Variants in CTNNA3 observed in about 807,000 individuals in gnomAD.
CTNNA3 encodes the protein catenin alpha-3.
In CTNNA3, 76 loss-of-function variants were observed where a neutral mutation model predicts 95.7. That is an observed-to-expected ratio of 0.79 (90% CI 0.66 to 0.96). The LOEUF (loss-of-function observed/expected upper bound fraction) is 0.96. Ranked by LOEUF, CTNNA3 falls within the 40% of genes least tolerant of loss-of-function variation. CTNNA3 has a pLI of 0.00. For missense variants in CTNNA3, 1,191 were observed against 1,089.8 expected (o/e 1.09, Z -1.31); for synonymous variants, 431 against 374.4 (o/e 1.15, Z -1.74).
intron 10 of CTNNA3, among the ~76,000 whole-genome samples, chr10:66,565,090 AT>A (rs1229078734): frequency 6.6e-6 from 1 of 152,212 alleles, no homozygotes; most frequent in Non-Finnish European, 1.5e-5. Flanking sequence ...TAATTGAAAT[AT>A]TTCACTTCCT....
chr10:66,010,342 A>T (rs1258102501), intron 15 of CTNNA3, among the ~76,000 whole-genome samples: 2 of 152,230 alleles, frequency 1.3e-5, no homozygotes, highest in Non-Finnish European at 2.9e-5. Context: ...ATAACTAAAA[A>T]GTAGTTTATT....
At chr10:66,645,750 C>T (rs764120297) in intron 9 of CTNNA3, among the ~76,000 whole-genome samples, 9 of 152,120 alleles carry the variant, frequency 5.9e-5, no homozygotes, top group South Asian at 4.1e-4. Context: ...CTAGGTTGCA[C>T]GTCCTTTATG....
intron 11 of CTNNA3, among the ~76,000 whole-genome samples, chr10:66,513,003 C>T (rs1436929100): frequency 1.3e-5 from 2 of 152,010 alleles, no homozygotes; most frequent in African/African-American, 2.4e-5. Context: ...TGGATTTAAT[C>T]GATTTGGGAA....
intron 7 of CTNNA3, among the ~76,000 whole-genome samples, chr10:67,134,901 GGCAAGGTGAGTGATT>G (rs1213630396): frequency 2.0e-5 from 3 of 152,070 alleles, no homozygotes. Context: ...AGAAGTAAAA[GGCAAGGTGAGTGATT>G]GCCCACTACC....
intron 15 of CTNNA3, among the ~76,000 whole-genome samples, chr10:66,028,019 T>C (rs1020238398): frequency 6.6e-6 from 1 of 152,222 alleles, no homozygotes; most frequent in Non-Finnish European, 1.5e-5. Context: ...AAAACCTGCA[T>C]AAGTATATAG....
At position 66,927,431 on chromosome 10, in the gene CTNNA3, T is replaced by A; in HGVS notation, c.1048-151907A>T. On this transcript the variant is annotated intron_variant, in intron 7 of 17. Transcript: ENST00000433211. This position sits in a 1 kb window ranked among gnomAD's most constrained non-coding sequence, Gnocchi z 4.7. ...TTACGGTCTAACTCCCTGAGAACCA[T>A]CCCTGTGCGAATATTCCAAGACTGC... 1 of 1,614,144 alleles carries A rather than the reference T, an allele frequency of 6.2e-7. No homozygotes were observed. The highest frequency in any genetic ancestry group is 8.5e-7 in the Non-Finnish European group (1 of 1,180,032).
At chr10:66,804,968 T>C (rs1342048382) in intron 7 of CTNNA3, among the ~76,000 whole-genome samples, 1 of 152,096 alleles carries the variant, frequency 6.6e-6, no homozygotes, top group Admixed American at 6.6e-5. Flanking sequence ...GCAAATAATA[T>C]GCTTTATGTT....
rs115994919 is a variant in CTNNA3 at position 67,248,331 on chromosome 10, G to C, written c.580-28461C>G. ...CCAGCATAGGCAAGAGTGAGACCCTGTGTCAAAGAAAAAAAGAACAATCTT... is the reference window on the plus strand; with the variant it reads ...CCAGCATAGGCAAGAGTGAGACCCTCTGTCAAAGAAAAAAAGAACAATCTT... On this transcript the variant is annotated intron_variant, in intron 5 of 17. Coordinates refer to ENST00000433211, the MANE Select transcript of CTNNA3 (RefSeq NM_013266.4). Among the ~76,000 whole-genome samples the C allele has an allele frequency of 6.6e-3, 1,005 of 152,204 alleles. 9 individuals are homozygous for C. Among genetic ancestry groups the C allele is most frequent in the African/African-American group, 0.019 (794 of 41,532 alleles).
chr10:66,053,133 C>A (rs2079998224), intron 15 of CTNNA3, among the ~76,000 whole-genome samples: 1 of 152,026 alleles, frequency 6.6e-6, no homozygotes, highest in Admixed American at 6.6e-5. Context: ...AAACCAGGTA[C>A]TTTTAAACTC....
At chr10:66,272,054 T>G (rs2091293941) in intron 13 of CTNNA3, among the ~76,000 whole-genome samples, 1 of 152,180 alleles carries the variant, frequency 6.6e-6, no homozygotes, top group African/African-American at 2.4e-5. Flanking sequence ...TACCTTATAC[T>G]CTGTTTTCAG....
rs184544231 is a variant in CTNNA3 at position 66,587,565 on chromosome 10, C to A, written c.1374+34127G>T. The stretch of plus-strand genomic sequence containing the variant: ...GCTCCTCACATGCAGGCACAAGCAG[C>A]GGCCCCAGTGAGGATCATAAGTCAA... On this transcript the variant is annotated intron_variant, in intron 10 of 17. Transcript: ENST00000433211. Among the ~76,000 whole-genome samples the A allele has an allele frequency of 5.3e-5, 8 of 152,202 alleles. No individual in the cohort carries two copies. The East Asian group carries it at 5.8e-4, about 11-fold the overall frequency.
intron 1 of CTNNA3, among the ~76,000 whole-genome samples, chr10:67,717,042 T>C (rs956047547): frequency 2.0e-5 from 3 of 152,238 alleles, no homozygotes; most frequent in Admixed American, 6.5e-5. Flanking sequence ...TATCTCATCA[T>C]GGTTCTTATT....
chr10:66,323,071 C>CTTCTGCTTTAAACCTGCAG (rs1238142740), intron 12 of CTNNA3, among the ~76,000 whole-genome samples: 1 of 151,908 alleles, frequency 6.6e-6, no homozygotes, highest in African/African-American at 2.4e-5. Flanking sequence ...TATCTGGTAA[C>CTTCTGCTTTAAACCTGCAG]TTCTGCTTTA....
rs116404237 is a variant in CTNNA3 at position 66,983,140 on chromosome 10, T to A, written c.1047+197177A>T. Among the ~76,000 whole-genome samples the A allele has an allele frequency of 9.7e-3, 1,480 of 152,296 alleles. 34 individuals are homozygous for A. The highest frequency in any genetic ancestry group is 0.034 in the African/African-American group (1,405 of 41,560). ...AAAGTCAGCAGGACTTAAAAACTAA[T>A]GAGCAAATTTTTTTATTATTATTTT... On this transcript the variant is annotated intron_variant, in intron 7 of 17. Transcript: ENST00000433211.
intron 15 of CTNNA3, among the ~76,000 whole-genome samples, chr10:66,054,841 A>T (rs1037038206): frequency 3.3e-5 from 5 of 152,202 alleles, no homozygotes; most frequent in Non-Finnish European, 7.4e-5. Context: ...GTTTTCTTCT[A>T]GTAGTTTCAC....
chr10:66,350,892 G>C (rs2092562081), intron 12 of CTNNA3, among the ~76,000 whole-genome samples: 1 of 151,910 alleles, frequency 6.6e-6, no homozygotes, highest in Non-Finnish European at 1.5e-5. Context: ...CAGATCCTAT[G>C]GGAAAGATCC....
chr10:65,972,473 C>T (rs1466101451), intron 16 of CTNNA3, among the ~76,000 whole-genome samples: 4 of 152,080 alleles, frequency 2.6e-5, no homozygotes, highest in African/African-American at 9.7e-5. Context: ...GGAACTGAGA[C>T]ACGACTTCAG....
chr10:66,216,644 A>G (rs953162925), intron 13 of CTNNA3, among the ~76,000 whole-genome samples: 1 of 152,250 alleles, frequency 6.6e-6, no homozygotes, highest in South Asian at 2.1e-4. Context: ...AATAGGTAAC[A>G]GAGTTGGGAT....
intron 5 of CTNNA3, among the ~76,000 whole-genome samples, chr10:67,514,496 A>G: frequency 6.6e-6 from 1 of 152,084 alleles, no homozygotes; most frequent in Non-Finnish European, 1.5e-5. Context: ...ACTAAAGAAG[A>G]CATTTTCAGA....
Sources: allele counts gnomAD v4.1 joint callset (sites outside exome capture counted in the v4.1 genomes callset), GRCh38; gene constraint gnomAD v4.1.1; non-coding constraint Gnocchi (gnomAD v3.1); transcripts MANE v1.5; gene names NCBI Gene and HGNC (gene_info 2026-07-23, HGNC 2026-07-21).